FBXO11: variants seen among roughly 807,000 people sequenced by gnomAD.
The protein encoded by FBXO11 is F-box protein 11.
In FBXO11, 13 loss-of-function variants were observed where a neutral mutation model predicts 117.0. That is an observed-to-expected ratio of 0.11 (90% CI 0.07 to 0.18). FBXO11 has a LOEUF of 0.18. FBXO11 is among the 10% of genes least tolerant of loss of function. The probability of loss-of-function intolerance (pLI) is 1.00; values close to 1 mark genes in which losing one functional copy is unlikely to be tolerated. For missense variants in FBXO11, 767 were observed against 1,164.4 expected (o/e 0.66, Z 4.97); for synonymous variants, 490 against 380.5 (o/e 1.29, Z -3.35).
chr2:47,858,248 G>T (rs1038862735), intron 1 of FBXO11, among the ~76,000 whole-genome samples: 2 of 151,906 alleles, frequency 1.3e-5, no homozygotes, highest in African/African-American at 4.8e-5. Context: ...GACCTCAGGT[G>T]GTCCACCCAC....
At chr2:47,882,357 T>C (rs1212574098) in intron 1 of FBXO11, among the ~76,000 whole-genome samples, 3 of 152,194 alleles carry the variant, frequency 2.0e-5, no homozygotes, top group East Asian at 1.9e-4. Context: ...TTTCTGGCTA[T>C]TGAAAGGAAT....
In FBXO11 at chr2:47,861,907, GTT is replaced by G. The variant is rs367983630; in HGVS notation, c.233-22140_233-22139del. The stretch of plus-strand genomic sequence containing the variant: ...AAAACTTCTTGTCATGTAAGGTTAA[GTT>G]TTTTTTTTTTTTCTTGAGATAGAAT... On this transcript the variant is annotated intron_variant, in intron 1 of 22. Coordinates refer to ENST00000403359, the MANE Select transcript of FBXO11 (RefSeq NM_001190274.2). 6.4e-3 allele frequency among the ~76,000 whole-genome samples: 937 copies of G among 145,830 alleles called. 8 individuals are homozygous for G. The highest frequency in any genetic ancestry group is 9.5e-3 in the Non-Finnish European group (626 of 66,118).
rs1558423174 is a variant in FBXO11 at position 47,832,332 on chromosome 2, A to G, written c.1398+17T>C. On this transcript the variant is annotated intron_variant, in intron 11 of 22. Coordinates refer to ENST00000403359, the MANE Select transcript of FBXO11 (RefSeq NM_001190274.2). ...GATACAGAAGTCCGTTTTTCTATTA[A>G]AAATAAGTGTTCTTACCATGCCATG... 7.6e-6 allele frequency: 12 copies of G among 1,568,768 alleles called. No homozygotes were observed. Among genetic ancestry groups the G allele is most frequent in the Non-Finnish European group, 1.0e-5 (12 of 1,159,888 alleles).
intron 13 of FBXO11, among the ~76,000 whole-genome samples, chr2:47,821,712 G>C (rs557132227): frequency 2.0e-5 from 3 of 152,284 alleles, no homozygotes; most frequent in African/African-American, 4.8e-5. Context: ...TTGAACCTGG[G>C]AGGCAGGGGT....
At chr2:47,884,459 G>C (rs1676664460) in intron 1 of FBXO11, among the ~76,000 whole-genome samples, 1 of 152,110 alleles carries the variant, frequency 6.6e-6, no homozygotes, top group Non-Finnish European at 1.5e-5. Flanking sequence ...GTTTTTGATA[G>C]CCCTCAAATA....
intron 1 of FBXO11, chr2:47,905,174 C>A (rs534006417): frequency 5.0e-6 from 1 of 198,544 alleles, no homozygotes; most frequent in Non-Finnish European, 1.0e-5. Context: ...CGGCCACCAA[C>A]AGACTCCCGC....
intron 1 of FBXO11, among the ~76,000 whole-genome samples, chr2:47,882,968 T>C (rs920431829): frequency 6.6e-6 from 1 of 152,122 alleles, no homozygotes; most frequent in African/African-American, 2.4e-5. Flanking sequence ...CTTCTACTTC[T>C]TTCCCAAGTT....
chr2:47,883,469 A>G (rs1466296242), intron 1 of FBXO11: 4 of 405,638 alleles, frequency 9.9e-6, no homozygotes, highest in Admixed American at 5.4e-5. Flanking sequence ...AGATTTTTGT[A>G]AAAACCCTTA....
chr2:47,864,064 A>T (rs1675000210), intron 1 of FBXO11, among the ~76,000 whole-genome samples: 1 of 152,202 alleles, frequency 6.6e-6, no homozygotes, highest in Non-Finnish European at 1.5e-5. Context: ...GGAATTTTTA[A>T]TTTATTTCCA....
At chr2:47,831,218 C>G (rs1163541735) in intron 11 of FBXO11, among the ~76,000 whole-genome samples, 1 of 151,512 alleles carries the variant, frequency 6.6e-6, no homozygotes, top group South Asian at 2.1e-4. Context: ...GGAGTTCAAG[C>G]CCAGCCTGAC....
chr2:47,808,080 A>T lies in FBXO11; in HGVS notation c.*38T>A. On this transcript the variant is annotated 3_prime_UTR_variant, in exon 23 of 23. Transcript: ENST00000403359. ...TTCCAAAAAAGTGTTTTAAGTTATG[A>T]TGTTACAATGGCAGGACTTTTTCTT... The T allele has an allele frequency of 1.3e-6, 2 of 1,547,544 alleles. No homozygotes were observed. The highest frequency in any genetic ancestry group is 1.8e-6 in the Non-Finnish European group (2 of 1,135,290).
chr2:47,879,146 A>G (rs1347981720), intron 1 of FBXO11, among the ~76,000 whole-genome samples: 1 of 152,180 alleles, frequency 6.6e-6, no homozygotes, highest in African/African-American at 2.4e-5. Context: ...TTACAGCTGC[A>G]TGGTATTCCA....
chr2:47,884,924 T>C (rs929770229), intron 1 of FBXO11, among the ~76,000 whole-genome samples: 3 of 152,158 alleles, frequency 2.0e-5, no homozygotes, highest in African/African-American at 7.2e-5. Context: ...ATCATTTCTA[T>C]TGCGCATCAT....
chr2:47,820,596 G>C, intron 13 of FBXO11, 140 bp from the exon 14 acceptor site: 1 of 627,856 alleles, frequency 1.6e-6, no homozygotes, highest in South Asian at 2.0e-5. Context: ...AACTAGAAGT[G>C]TAAATAGATG....
intron 1 of FBXO11, chr2:47,883,887 T>C (rs1045667535): frequency 1.8e-4 from 32 of 173,096 alleles, no homozygotes; most frequent in Admixed American, 7.5e-4. Flanking sequence ...GTCTGGCTTA[T>C]TGCTTCAACA....
At chr2:47,854,533 G>A (rs1273939200) in intron 1 of FBXO11, among the ~76,000 whole-genome samples, 1 of 151,944 alleles carries the variant, frequency 6.6e-6, no homozygotes, top group African/African-American at 2.4e-5. Context: ...ATAGAAAACA[G>A]AACCTAGCTG....
intron 16 of FBXO11, chr2:47,814,072 T>C (rs181077919): frequency 1.3e-4 from 64 of 475,914 alleles, no homozygotes; most frequent in Admixed American, 2.2e-4. Context: ...TACAGATTAT[T>C]ATTGTAGAGT....
At chr2:47,862,552 G>A (rs1674857962) in intron 1 of FBXO11, among the ~76,000 whole-genome samples, 1 of 152,172 alleles carries the variant, frequency 6.6e-6, no homozygotes, top group Non-Finnish European at 1.5e-5. Context: ...GCCTTCCAGA[G>A]CAGCTAGGAC....
intron 1 of FBXO11, among the ~76,000 whole-genome samples, chr2:47,875,632 T>A (rs1311344508): frequency 6.6e-6 from 1 of 152,030 alleles, no homozygotes; most frequent in Non-Finnish European, 1.5e-5. Flanking sequence ...TAAAAAAGGG[T>A]CTAATGGACT....
Sources: allele counts gnomAD v4.1 joint callset (sites outside exome capture counted in the v4.1 genomes callset), GRCh38; gene constraint gnomAD v4.1.1; transcripts MANE v1.5; gene names NCBI Gene and HGNC (gene_info 2026-07-23, HGNC 2026-07-21).